Variants in CNTN5 observed in about 807,000 individuals in gnomAD.
CNTN5 encodes contactin-5.
CNTN5 carries 77 observed loss-of-function variants against 129.1 expected under a neutral mutation model. The ratio of observed to expected loss-of-function variants is 0.60; its 90% CI spans 0.50 to 0.72. The LOEUF (loss-of-function observed/expected upper bound fraction) is 0.72. Ranked by LOEUF, CNTN5 falls within the 30% of genes least tolerant of loss-of-function variation. The pLI, the probability that CNTN5 is intolerant of heterozygous loss-of-function variation, is 0.00. For missense variants in CNTN5, 1,478 were observed against 1,328.8 expected (o/e 1.11, Z -1.75); for synonymous variants, 509 against 465.6 (o/e 1.09, Z -1.20).
At chr11:100,351,551 C>A (rs1952412228) in intron 24 of CNTN5, among the ~76,000 whole-genome samples, 1 of 149,808 alleles carries the variant, frequency 6.7e-6, no homozygotes, top group Admixed American at 6.7e-5. Context: ...TCTCCAAAAC[C>A]ACATATCTCC....
chr11:99,324,026 A>G (rs535022461), intron 1 of CNTN5, among the ~76,000 whole-genome samples: 75 of 152,280 alleles, frequency 4.9e-4, no homozygotes, highest in African/African-American at 1.8e-3. Context: ...TTTAGACTTG[A>G]TATCAGAAAT....
At chr11:99,249,960 T>G (rs1862016930) in intron 1 of CNTN5, among the ~76,000 whole-genome samples, 1 of 151,990 alleles carries the variant, frequency 6.6e-6, no homozygotes, top group South Asian at 2.1e-4. Flanking sequence ...AAGAGTTGTT[T>G]GAGCTTTTTT....
At chr11:100,123,707 G>T (rs185806605) in intron 13 of CNTN5, among the ~76,000 whole-genome samples, 2 of 151,930 alleles carry the variant, frequency 1.3e-5, no homozygotes, top group Non-Finnish European at 2.9e-5. Flanking sequence ...ATCTAGCTTT[G>T]AGTACTAATA....
intron 3 of CNTN5, among the ~76,000 whole-genome samples, chr11:99,673,849 T>C (rs756559276): frequency 1.3e-5 from 2 of 152,170 alleles, no homozygotes; most frequent in Admixed American, 6.5e-5. Flanking sequence ...AGTCAGTCTA[T>C]CATTGATGAG....
chr11:100,279,096 G>A (rs1450208146), intron 18 of CNTN5, among the ~76,000 whole-genome samples: 1 of 151,920 alleles, frequency 6.6e-6, no homozygotes, highest in East Asian at 1.9e-4. Context: ...TTGGTATAAT[G>A]TATCACATTG....
At chr11:100,288,989 A>G (rs535962016) in intron 18 of CNTN5, among the ~76,000 whole-genome samples, 1 of 152,348 alleles carries the variant, frequency 6.6e-6, no homozygotes, top group African/African-American at 2.4e-5. Context: ...ACCTCTACGC[A>G]AATAAACTAG....
chr11:99,816,353 A>C (rs2135539210), intron 3 of CNTN5, among the ~76,000 whole-genome samples: 1 of 152,224 alleles, frequency 6.6e-6, no homozygotes, highest in East Asian at 1.9e-4. Flanking sequence ...ACCATTTCAT[A>C]ATCTCTCTGA....
At chr11:99,655,963 T>A (rs1371126246) in intron 3 of CNTN5, among the ~76,000 whole-genome samples, 2 of 152,060 alleles carry the variant, frequency 1.3e-5, no homozygotes, top group Non-Finnish European at 2.9e-5. Context: ...CACACATATA[T>A]ATACACATAT....
intron 9 of CNTN5, among the ~76,000 whole-genome samples, chr11:100,021,037 C>T (rs900893432): frequency 1.3e-5 from 2 of 152,034 alleles, no homozygotes; most frequent in East Asian, 1.9e-4. Context: ...ATCAAAATTC[C>T]AGTTCTATGA....
intron 1 of CNTN5, among the ~76,000 whole-genome samples, chr11:99,210,748 A>G (rs934074072): frequency 6.6e-6 from 1 of 152,188 alleles, no homozygotes; most frequent in Non-Finnish European, 1.5e-5. Flanking sequence ...CCCACATAGT[A>G]TAATGTGATT....
chr11:100,046,458 C>G (rs1010574664), intron 9 of CNTN5, among the ~76,000 whole-genome samples: 1 of 152,074 alleles, frequency 6.6e-6, no homozygotes, highest in African/African-American at 2.4e-5. Flanking sequence ...TATATTTTAA[C>G]ATACATTCTT....
chr11:100,019,795 A>G (rs1314823653), intron 9 of CNTN5, among the ~76,000 whole-genome samples: 2 of 151,954 alleles, frequency 1.3e-5, no homozygotes, highest in East Asian at 1.9e-4. Context: ...ACCAATTTAC[A>G]TGTCCACCAC....
chr11:99,445,692 C>T (rs1944034115), intron 2 of CNTN5, among the ~76,000 whole-genome samples: 1 of 152,136 alleles, frequency 6.6e-6, no homozygotes. Flanking sequence ...TGGACAGCGT[C>T]CTCTATCTTC....
At chr11:100,003,327 T>A (rs543298980) in intron 9 of CNTN5, among the ~76,000 whole-genome samples, 27 of 152,076 alleles carry the variant, frequency 1.8e-4, no homozygotes, top group Admixed American at 3.3e-4. Context: ...AACCTAAAGA[T>A]GTTAGTTAAG....
chr11:99,787,705 G>T (rs558676117), intron 3 of CNTN5, among the ~76,000 whole-genome samples: 1 of 151,914 alleles, frequency 6.6e-6, no homozygotes, highest in African/African-American at 2.4e-5. Context: ...ATGACATAAA[G>T]TACATGATTT....
At chr11:99,549,691 C>G (rs1397144277) in intron 2 of CNTN5, among the ~76,000 whole-genome samples, 1 of 152,084 alleles carries the variant, frequency 6.6e-6, no homozygotes, top group Non-Finnish European at 1.5e-5. Context: ...TGCCACTCAG[C>G]CATGAAATGG....
At chr11:99,710,144 A>G (rs930393664) in intron 3 of CNTN5, among the ~76,000 whole-genome samples, 1 of 151,806 alleles carries the variant, frequency 6.6e-6, no homozygotes, top group African/African-American at 2.4e-5. Flanking sequence ...TGCCACAAGC[A>G]CTTCCCAGTC....
At chr11:100,015,530 A>T (rs1940777304) in intron 9 of CNTN5, among the ~76,000 whole-genome samples, 2 of 152,126 alleles carry the variant, frequency 1.3e-5, no homozygotes, top group Admixed American at 1.3e-4. Flanking sequence ...TGTGGTCTGT[A>T]ACTAACAAGG....
At chr11:99,883,162 A>G (rs1469605298) in intron 6 of CNTN5, among the ~76,000 whole-genome samples, 1 of 152,208 alleles carries the variant, frequency 6.6e-6, no homozygotes, top group Non-Finnish European at 1.5e-5. Flanking sequence ...GCTATTCCAA[A>G]CAGTGCTGCA....
Sources: allele counts gnomAD v4.1 joint callset (sites outside exome capture counted in the v4.1 genomes callset), GRCh38; gene constraint gnomAD v4.1.1; transcripts MANE v1.5; gene names NCBI Gene and HGNC (gene_info 2026-07-23, HGNC 2026-07-21).